The following SNAP91 variants were observed in gnomAD, a reference collection of about 807,000 sequenced individuals.
SNAP91 encodes the protein clathrin coat assembly protein AP180.
In SNAP91, 27 loss-of-function variants were observed where a neutral mutation model predicts 100.3. That is an observed-to-expected ratio of 0.27 (90% CI 0.20 to 0.37). The LOEUF (loss-of-function observed/expected upper bound fraction) is 0.37, where lower values mean the gene tolerates loss of function less well. Ranked by LOEUF, SNAP91 falls within the 10% of genes least tolerant of loss-of-function variation. The pLI is 1.00. For synonymous variants in SNAP91, 404 were observed against 398.6 expected (o/e 1.01, Z -0.16); for missense variants, 986 against 1,123.7 (o/e 0.88, Z 1.75).
At chr6:83,649,485 T>G (rs1300419919) in intron 7 of SNAP91, among the ~76,000 whole-genome samples, 1 of 152,226 alleles carries the variant, frequency 6.6e-6, no homozygotes, top group Non-Finnish European at 1.5e-5. Flanking sequence ...TGTCAAAGCT[T>G]CACACCATTG....
At chr6:83,682,956 C>T (rs56285953) in intron 2 of SNAP91, among the ~76,000 whole-genome samples, 1 of 151,968 alleles carries the variant, frequency 6.6e-6, no homozygotes, top group South Asian at 2.1e-4. Flanking sequence ...ACCAGCTAGC[C>T]TCTGGAAGCC....
chr6:83,660,334 A>C (rs1390002821), intron 5 of SNAP91, among the ~76,000 whole-genome samples: 1 of 152,214 alleles, frequency 6.6e-6, no homozygotes, highest in African/African-American at 2.4e-5. Flanking sequence ...ATTCATCTAC[A>C]ATAAATTATT....
At chr6:83,662,079 C>G (rs919332783) in intron 4 of SNAP91, among the ~76,000 whole-genome samples, 2 of 152,038 alleles carry the variant, frequency 1.3e-5, no homozygotes, top group Non-Finnish European at 2.9e-5. Flanking sequence ...TCATTGTCTC[C>G]TGTACCTTCA....
chr6:83,700,448 T>G (rs184995377), intron 2 of SNAP91, among the ~76,000 whole-genome samples: 1 of 152,006 alleles, frequency 6.6e-6, no homozygotes, highest in Non-Finnish European at 1.5e-5. Flanking sequence ...TGATTGTTAT[T>G]GCATATTTGT....
chr6:83,668,570 T>C (rs1478467616), intron 2 of SNAP91, among the ~76,000 whole-genome samples: 1 of 151,974 alleles, frequency 6.6e-6, no homozygotes, highest in Non-Finnish European at 1.5e-5. Flanking sequence ...CTCAGCAAAC[T>C]ATCGCAAGAA....
chr6:83,555,972 TA>T (rs1777287399), intron 29 of SNAP91, among the ~76,000 whole-genome samples, 170 bp downstream of exon 29: 2 of 152,072 alleles, frequency 1.3e-5, no homozygotes, highest in African/African-American at 4.8e-5. Flanking sequence ...AATTAAGATT[TA>T]AAAAACTCTT....
At position 83,560,939 on chromosome 6, in the gene SNAP91, A is replaced by C; in HGVS notation, c.2451T>G (p.Ala817=). Residue 817 remains alanine (A), a synonymous_variant, in exon 27 of 30, where the codon GCT becomes GCG. Transcript: ENST00000369694. ...GVPPSAPLQG[A]VPPTSSVPPV... is the part of the protein sequence containing the mutation. ...GAGGAACTGAACTGGTTGGAGGTAC[A>C]GCTCCTTGCTACACAGATAGACAGA... The C allele has an allele frequency of 6.2e-7, 1 of 1,607,302 alleles. No individual in the cohort carries two copies. The highest frequency in any genetic ancestry group is 1.1e-5 in the South Asian group (1 of 89,758).
intron 7 of SNAP91, among the ~76,000 whole-genome samples, chr6:83,642,199 A>G (rs1309546271): frequency 2.0e-5 from 3 of 151,426 alleles, no homozygotes; most frequent in African/African-American, 7.3e-5. Context: ...TTATATATAT[A>G]TTTATTATAT....
chr6:83,632,825 G>T (rs141738698), intron 8 of SNAP91, among the ~76,000 whole-genome samples: 1 of 152,000 alleles, frequency 6.6e-6, no homozygotes, highest in Admixed American at 6.6e-5. Flanking sequence ...ACTGGGCTTC[G>T]CCTTTCTCTG....
At chr6:83,575,411 T>C (rs184284635) in intron 25 of SNAP91, 8 of 388,790 alleles carry the variant, frequency 2.1e-5, no homozygotes, top group Middle Eastern at 7.5e-4. Flanking sequence ...CTGGATTCAT[T>C]TGTTATTAAA....
At chr6:83,598,879 G>T (rs997364491) in intron 16 of SNAP91, among the ~76,000 whole-genome samples, 1 of 152,068 alleles carries the variant, frequency 6.6e-6, no homozygotes, top group Non-Finnish European at 1.5e-5. Context: ...GAACATAAAG[G>T]ATGGAAATTG....
At chr6:83,644,620 C>T (rs2097846174) in intron 7 of SNAP91, among the ~76,000 whole-genome samples, 1 of 152,004 alleles carries the variant, frequency 6.6e-6, no homozygotes, top group South Asian at 2.1e-4. Context: ...GATAATTGTC[C>T]TAGGAAAGAA....
intron 8 of SNAP91, among the ~76,000 whole-genome samples, chr6:83,631,523 T>A (rs910923409): frequency 1.3e-5 from 2 of 152,128 alleles, no homozygotes; most frequent in African/African-American, 4.8e-5. Context: ...GGAGCTCCAG[T>A]GTTAGGTACA....
chr6:83,677,646 G>C (rs964716870), intron 2 of SNAP91, among the ~76,000 whole-genome samples: 1 of 152,162 alleles, frequency 6.6e-6, no homozygotes, highest in Non-Finnish European at 1.5e-5. Context: ...TTAACAATGT[G>C]ACCTTAAGCA....
intron 2 of SNAP91, among the ~76,000 whole-genome samples, chr6:83,684,879 A>C (rs922050294): frequency 6.6e-6 from 1 of 152,206 alleles, no homozygotes; most frequent in African/African-American, 2.4e-5. Context: ...GAACAGATGG[A>C]GGGAGAAAGC....
intron 8 of SNAP91, among the ~76,000 whole-genome samples, chr6:83,626,485 C>T (rs1243343170): frequency 2.0e-5 from 3 of 152,114 alleles, no homozygotes; most frequent in Non-Finnish European, 4.4e-5. Context: ...TCTTCCAATC[C>T]ATGAGCATGA....
intron 2 of SNAP91, among the ~76,000 whole-genome samples, chr6:83,674,195 C>T (rs1183884239): frequency 3.3e-5 from 5 of 152,208 alleles, no homozygotes; most frequent in African/African-American, 1.2e-4. Flanking sequence ...GAGGCCGAGG[C>T]GGGCGGATCA....
intron 22 of SNAP91, among the ~76,000 whole-genome samples, chr6:83,585,365 A>AAT (rs1165298995): frequency 6.6e-6 from 1 of 151,954 alleles, no homozygotes; most frequent in African/African-American, 2.4e-5. Context: ...TATATATATC[A>AAT]ATATATATAA....
At chr6:83,561,837 C>A (rs547183573) in intron 26 of SNAP91, among the ~76,000 whole-genome samples, 1 of 152,220 alleles carries the variant, frequency 6.6e-6, no homozygotes, top group East Asian at 1.9e-4. Context: ...GGCAACATAG[C>A]AAGAACCCAT....
Sources: allele counts gnomAD v4.1 joint callset (sites outside exome capture counted in the v4.1 genomes callset), GRCh38; gene constraint gnomAD v4.1.1; transcripts MANE v1.5; gene names NCBI Gene and HGNC (gene_info 2026-07-23, HGNC 2026-07-21).